Variants in C2CD5 observed in about 807,000 individuals in gnomAD.
C2CD5 encodes C2 domain-containing protein 5.
Under a neutral mutation model 130.3 loss-of-function variants are expected in C2CD5, and 109 were observed. The observed-to-expected ratio is 0.84, with a 90% CI of 0.72 to 0.98. The LOEUF (loss-of-function observed/expected upper bound fraction) is 0.98, where lower values mean the gene tolerates loss of function less well. Among genes scored for constraint, C2CD5 ranks in the 50% least tolerant of loss-of-function variants. The probability of loss-of-function intolerance (pLI) is 0.00; values close to 1 mark genes in which losing one functional copy is unlikely to be tolerated. For synonymous variants in C2CD5, 454 were observed against 429.2 expected (o/e 1.06, Z -0.71); for missense variants, 996 against 1,261.8 (o/e 0.79, Z 3.19).
intron 12 of C2CD5, among the ~76,000 whole-genome samples, chr12:22,486,258 C>T (rs560918553): frequency 7.2e-5 from 11 of 152,018 alleles, no homozygotes; most frequent in South Asian, 6.2e-4. Context: ...TACTTCAGCC[C>T]GTTCACTGTG....
intron 22 of C2CD5, among the ~76,000 whole-genome samples, chr12:22,462,481 C>A (rs966096709): frequency 1.3e-5 from 2 of 152,160 alleles, no homozygotes; most frequent in African/African-American, 4.8e-5. Context: ...CAAAGCAATA[C>A]AGGGCTATGG....
chr12:22,481,771 T>C (rs866173680), intron 14 of C2CD5, among the ~76,000 whole-genome samples: 5 of 149,150 alleles, frequency 3.4e-5, no homozygotes, highest in Admixed American at 6.7e-5. Flanking sequence ...TCCTCCCACT[T>C]AAGCTTCCTG....
At chr12:22,519,394 T>A (rs1394742882) in intron 7 of C2CD5, among the ~76,000 whole-genome samples, 1 of 151,998 alleles carries the variant, frequency 6.6e-6, no homozygotes, top group Admixed American at 6.6e-5. Flanking sequence ...AATTGAAAAA[T>A]AGCTAAATAT....
At chr12:22,526,385 C>T (rs966779924) in intron 4 of C2CD5, among the ~76,000 whole-genome samples, 6 of 151,964 alleles carry the variant, frequency 3.9e-5, no homozygotes, top group Non-Finnish European at 5.9e-5. Context: ...AGTATCATCC[C>T]CATTTTACAA....
chr12:22,454,374 C>A (rs1177582493), intron 25 of C2CD5, among the ~76,000 whole-genome samples: 1 of 152,182 alleles, frequency 6.6e-6, no homozygotes, highest in Non-Finnish European at 1.5e-5. Context: ...TTCAACATCT[C>A]CATCATATCA....
In C2CD5 at chr12:22,460,404, T is replaced by G. The variant is rs867584250; in HGVS notation, c.2534-862A>C. The stretch of plus-strand genomic sequence containing the variant: ...TCGGTTGGCTTAGTATAGTATAGTT[T>G]AAGTATAGATAGATAAATATGTTTT... On this transcript the variant is annotated intron_variant, in intron 22 of 26. Coordinates refer to ENST00000446597, the MANE Select transcript of C2CD5 (RefSeq NM_001286176.2). The G allele has an allele frequency of 2.6e-5, 4 of 152,330 alleles. No individual in the cohort carries two copies. The South Asian group carries it at 8.3e-4, about 32-fold the overall frequency. The allele number at this position is 152,330 out of a possible 1,614,324, so 9.4% of individuals were successfully genotyped here. A position where few individuals can be genotyped will look rare whatever the true frequency, so the allele number is the denominator to read the frequency against.
chr12:22,456,531 T>TA (rs1366452183), intron 25 of C2CD5, among the ~76,000 whole-genome samples: 5 of 152,034 alleles, frequency 3.3e-5, no homozygotes, highest in African/African-American at 9.7e-5. Flanking sequence ...ACTGAGAGAG[T>TA]AAAAAATGAG....
At chr12:22,521,376 A>G (rs894155559) in intron 7 of C2CD5, among the ~76,000 whole-genome samples, 1 of 152,224 alleles carries the variant, frequency 6.6e-6, no homozygotes, top group East Asian at 1.9e-4. Flanking sequence ...ATACAATCCC[A>G]GAAGATTTAC....
chr12:22,518,752 C>G (rs1950001538), intron 7 of C2CD5, among the ~76,000 whole-genome samples: 1 of 152,178 alleles, frequency 6.6e-6, no homozygotes, highest in African/African-American at 2.4e-5. Context: ...AAATTGGAAG[C>G]TTTGGCAGCT....
Position 22,474,060 on chromosome 12 carries a change from A to G in C2CD5, c.2043+691T>C, listed in dbSNP as rs117743797. 4.5e-3 allele frequency among the ~76,000 whole-genome samples: 689 copies of G among 152,168 alleles called. 12 individuals are homozygous for G. The East Asian group carries it at 0.051, about 11-fold the overall frequency. Reference sequence around the variant, plus strand: ...TCTTTAAACCTCCAATCCCATCCCAACACAATTCTACCACCAGCTTCCTGC... The same window carrying G: ...TCTTTAAACCTCCAATCCCATCCCAGCACAATTCTACCACCAGCTTCCTGC... On this transcript the variant is annotated intron_variant, in intron 16 of 26. Coordinates refer to ENST00000446597, the MANE Select transcript of C2CD5 (RefSeq NM_001286176.2).
chr12:22,482,556 C>T lies in C2CD5; in HGVS notation c.1737+1G>A. ...ACAAAACCAAAAACATCTAAACTTACCGCTAAGCCCATCAACATATTTTCA... is the reference window on the plus strand; with the variant it reads ...ACAAAACCAAAAACATCTAAACTTATCGCTAAGCCCATCAACATATTTTCA... On this transcript the variant is annotated splice_donor_variant, in intron 14 of 26. Coordinates refer to ENST00000446597, the MANE Select transcript of C2CD5 (RefSeq NM_001286176.2). LOFTEE classifies it high-confidence loss of function. The T allele has an allele frequency of 6.2e-7, 1 of 1,612,040 alleles. No individual in the cohort carries two copies. The highest frequency in any genetic ancestry group is 1.1e-5 in the South Asian group (1 of 90,976).
chr12:22,458,480 C>CT lies in C2CD5; in HGVS notation c.2686+3dup, dbSNP rs1352590256. On this transcript the variant is annotated splice_donor_region_variant and intron_variant, in intron 24 of 26. Transcript: ENST00000446597. The stretch of plus-strand genomic sequence containing the variant: ...ATCATAATGTGGTAGAAACATCCGC[C>CT]TACTTGTCTTAATTGATCCACGCCT... 1.7e-5 allele frequency: 21 copies of CT among 1,225,858 alleles called. No individual in the cohort carries two copies. Among genetic ancestry groups the CT allele is most frequent in the Non-Finnish European group, 1.9e-5 (18 of 969,182 alleles). The allele number at this position is 1,225,858 out of a possible 1,614,324, so 75.9% of individuals were successfully genotyped here.
Position 22,474,765 on chromosome 12 carries a change from C to A in C2CD5, c.2029G>T (p.Ala677Ser). 1 of 1,597,884 alleles carries A rather than the reference C, an allele frequency of 6.3e-7. No homozygotes were observed. Among genetic ancestry groups the A allele is most frequent in the Non-Finnish European group, 8.5e-7 (1 of 1,172,938 alleles). Residue 677 changes from alanine to serine, a missense_variant, in exon 16 of 27, where the codon GCT (alanine) becomes TCT (serine). Physicochemically the swap from Ala to Ser is moderately conservative, Grantham distance 99. Transcript: ENST00000446597. ...TGCCACATTACCTCCAAAACAAAAG[C>A]ATCTTTTTTCCCATGTGAAAGGTCT... ...ELDLSHGKKD[A>S]FVLEIDDTDA... is the part of the protein sequence containing the mutation.
chr12:22,466,344 T>C (rs1942071174), intron 22 of C2CD5, among the ~76,000 whole-genome samples: 1 of 151,556 alleles, frequency 6.6e-6, no homozygotes, highest in Admixed American at 6.6e-5. Flanking sequence ...CTTAACAAAA[T>C]GATTAAAAAA....
intron 10 of C2CD5, among the ~76,000 whole-genome samples, chr12:22,497,888 A>C (rs911284045): frequency 1.4e-5 from 2 of 142,856 alleles, no homozygotes; most frequent in African/African-American, 2.6e-5. Flanking sequence ...ATTTCACTAC[A>C]TACACGCATG....
chr12:22,542,251 C>A (rs1433286788), intron 2 of C2CD5, among the ~76,000 whole-genome samples: 2 of 152,222 alleles, frequency 1.3e-5, no homozygotes, highest in Non-Finnish European at 2.9e-5. Flanking sequence ...TTAAAAAACT[C>A]CCCTGGCCAG....
At chr12:22,480,065 C>T (rs1168862601) in intron 14 of C2CD5, among the ~76,000 whole-genome samples, 1 of 152,174 alleles carries the variant, frequency 6.6e-6, no homozygotes, top group Non-Finnish European at 1.5e-5. Flanking sequence ...TCATTAGTGT[C>T]CATCACTGTA....
chr12:22,541,212 A>G (rs1429005599), intron 2 of C2CD5, among the ~76,000 whole-genome samples: 1 of 152,310 alleles, frequency 6.6e-6, no homozygotes, highest in South Asian at 2.1e-4. Flanking sequence ...AGAAAACCCA[A>G]TACTTCAGAA....
Position 22,479,583 on chromosome 12 carries a change from G to A in C2CD5, c.1738-1106C>T, listed in dbSNP as rs535196497. Reference sequence around the variant, plus strand: ...GCCAAGTCAATAAATGTGGACAAACGATCTGAACTGAGTGTTTCTCACTCT... The same window carrying A: ...GCCAAGTCAATAAATGTGGACAAACAATCTGAACTGAGTGTTTCTCACTCT... On this transcript the variant is annotated intron_variant, in intron 14 of 26. Coordinates refer to ENST00000446597, the MANE Select transcript of C2CD5 (RefSeq NM_001286176.2). Among the ~76,000 whole-genome samples the A allele has an allele frequency of 1.4e-4, 21 of 152,228 alleles. No homozygotes were observed. In the East Asian group the frequency reaches 3.5e-3, roughly 25 times the overall value.
Sources: gnomAD v4.1 joint callset for allele counts (sites outside exome capture counted in the v4.1 genomes callset) on GRCh38, gnomAD v4.1.1 for gene constraint, MANE v1.5 for transcripts, NCBI Gene and HGNC (gene_info 2026-07-23, HGNC 2026-07-21) for gene names.